Variants in PRKG1 observed in about 807,000 individuals in gnomAD.
PRKG1 encodes the protein cGMP-dependent protein kinase 1.
A neutral mutation model predicts 88.1 loss-of-function variants in PRKG1; 35 were observed. The observed-to-expected ratio is 0.40, with a 90% confidence interval of 0.30 to 0.53. PRKG1 has a LOEUF of 0.53. Among genes scored for constraint, PRKG1 ranks in the 20% least tolerant of loss-of-function variants. The pLI is 0.59. For missense variants in PRKG1, 540 were observed against 839.8 expected (o/e 0.64, Z 4.41); for synonymous variants, 303 against 292.5 (o/e 1.04, Z -0.37).
intron 5 of PRKG1, among the ~76,000 whole-genome samples, chr10:51,948,957 C>T (rs1015588187): frequency 1.3e-5 from 2 of 151,934 alleles, no homozygotes; most frequent in African/African-American, 4.8e-5. Context: ...TTTTGAATAC[C>T]TCTCCCAATT....
intron 2 of PRKG1, among the ~76,000 whole-genome samples, chr10:51,227,349 C>T (rs1209603295): frequency 6.6e-6 from 1 of 152,068 alleles, no homozygotes; most frequent in African/African-American, 2.4e-5. Context: ...AGGTGAAGGA[C>T]ATCCTAAATT....
At chr10:51,261,278 G>A (rs1236165848) in intron 2 of PRKG1, among the ~76,000 whole-genome samples, 1 of 152,166 alleles carries the variant, frequency 6.6e-6, no homozygotes, top group Non-Finnish European at 1.5e-5. Flanking sequence ...ATTTTGGATT[G>A]CAACACTTCT....
At chr10:51,718,419 A>G (rs1841936191) in intron 3 of PRKG1, among the ~76,000 whole-genome samples, 1 of 152,134 alleles carries the variant, frequency 6.6e-6, no homozygotes, top group South Asian at 2.1e-4. Context: ...GTGAGGAGTG[A>G]TATGAGATAG....
At chr10:51,399,642 C>G (rs1222346245) in intron 2 of PRKG1, among the ~76,000 whole-genome samples, 1 of 152,126 alleles carries the variant, frequency 6.6e-6, no homozygotes, top group Non-Finnish European at 1.5e-5. Context: ...CACTGTTTTT[C>G]TTAGTAGGTA....
intron 9 of PRKG1, among the ~76,000 whole-genome samples, chr10:52,167,115 G>A (rs1285588091): frequency 6.6e-6 from 1 of 151,920 alleles, no homozygotes; most frequent in Non-Finnish European, 1.5e-5. Context: ...TTTATGAAGA[G>A]GTTTATTTGG....
intron 3 of PRKG1, among the ~76,000 whole-genome samples, chr10:51,746,539 T>A (rs1837583734): frequency 6.6e-6 from 1 of 151,858 alleles, no homozygotes; most frequent in African/African-American, 2.4e-5. Flanking sequence ...CTGGCCAGTG[T>A]GGTGAAACCC....
intron 3 of PRKG1, among the ~76,000 whole-genome samples, chr10:51,553,698 T>G (rs143380404): frequency 1.4e-3 from 208 of 145,558 alleles, no homozygotes; most frequent in African/African-American, 4.3e-3. Context: ...GTGATTATTA[T>G]ATACGTGTAT....
intron 5 of PRKG1, among the ~76,000 whole-genome samples, chr10:52,012,034 T>G (rs1217524496): frequency 6.6e-6 from 1 of 152,164 alleles, no homozygotes; most frequent in East Asian, 1.9e-4. Context: ...TGTAAATTGC[T>G]CAGTCTTGGG....
chr10:51,849,186 C>A (rs1168773946), intron 4 of PRKG1, among the ~76,000 whole-genome samples: 1 of 152,108 alleles, frequency 6.6e-6, no homozygotes, highest in African/African-American at 2.4e-5. Flanking sequence ...ATTCTTTAAC[C>A]CACCTCTGCT....
intron 9 of PRKG1, among the ~76,000 whole-genome samples, chr10:52,166,916 C>T (rs76642710): frequency 0.045 from 5,741 of 127,842 alleles, 356 homozygotes; most frequent in East Asian, 0.34. Context: ...CACACACACA[C>T]ATATATATAA....
intron 16 of PRKG1, 144 bp from the exon 17 acceptor site, chr10:52,290,080 C>A: frequency 1.7e-6 from 1 of 597,986 alleles, no homozygotes; most frequent in Non-Finnish European, 2.9e-6. Flanking sequence ...ATTAGGAAAA[C>A]ATATGCAATT....
At chr10:51,681,940 T>TAACA (rs1374575207) in intron 3 of PRKG1, among the ~76,000 whole-genome samples, 1 of 152,204 alleles carries the variant, frequency 6.6e-6, no homozygotes, top group Non-Finnish European at 1.5e-5. Context: ...GCTATATATA[T>TAACA]AACATTTTAA....
chr10:52,029,638 C>T (rs1367911890), intron 5 of PRKG1, among the ~76,000 whole-genome samples: 4 of 152,176 alleles, frequency 2.6e-5, no homozygotes, highest in Admixed American at 2.0e-4. Context: ...CGGCTGAACA[C>T]TGGGATCACT....
chr10:51,376,940 C>T (rs548594713), intron 2 of PRKG1, among the ~76,000 whole-genome samples: 143 of 152,268 alleles, frequency 9.4e-4, no homozygotes, highest in African/African-American at 3.4e-3. Context: ...GACTCCCAAA[C>T]TGCTGGGAGT....
chr10:51,988,594 C>G (rs1475348618), intron 5 of PRKG1, among the ~76,000 whole-genome samples: 1 of 152,014 alleles, frequency 6.6e-6, no homozygotes, highest in Non-Finnish European at 1.5e-5. Context: ...TTTCACTTCT[C>G]TAATAATAAA....
At chr10:51,632,080 G>C (rs1839540358) in intron 3 of PRKG1, among the ~76,000 whole-genome samples, 1 of 132,890 alleles carries the variant, frequency 7.5e-6, no homozygotes, top group Non-Finnish European at 1.6e-5. Context: ...AAACTTTCTT[G>C]AAACATTATG....
chr10:51,941,945 A>T lies in PRKG1; in HGVS notation c.762+34375A>T, dbSNP rs1589439896. 3.3e-5 allele frequency among the ~76,000 whole-genome samples: 5 copies of T among 152,170 alleles called. 1 individual carries two copies. In the East Asian group the frequency reaches 9.7e-4, roughly 29 times the overall value. On this transcript the variant is annotated intron_variant, in intron 5 of 17. Coordinates refer to ENST00000373980, the MANE Select transcript of PRKG1 (RefSeq NM_006258.4). ...GCATGTCTTTATAGCAGCGTGATTTATAGTCCTTTGGGTATATACCCAGTA... is the reference window on the plus strand; with the variant it reads ...GCATGTCTTTATAGCAGCGTGATTTTTAGTCCTTTGGGTATATACCCAGTA...
chr10:51,163,040 T>TAGTA (rs1240828811), intron 2 of PRKG1, among the ~76,000 whole-genome samples: 1 of 151,944 alleles, frequency 6.6e-6, no homozygotes, highest in Non-Finnish European at 1.5e-5. Context: ...TAAACCCGAA[T>TAGTA]AGTAATCCCA....
At chr10:51,864,481 T>G (rs1840966013) in intron 4 of PRKG1, among the ~76,000 whole-genome samples, 1 of 152,230 alleles carries the variant, frequency 6.6e-6, no homozygotes, top group African/African-American at 2.4e-5. Context: ...ATCTGTTGAC[T>G]CTCACGTAGT....
Sources: gnomAD v4.1 joint callset for allele counts (sites outside exome capture counted in the v4.1 genomes callset) on GRCh38, gnomAD v4.1.1 for gene constraint, MANE v1.5 for transcripts, NCBI Gene and HGNC (gene_info 2026-07-23, HGNC 2026-07-21) for gene names.